MAPK8: variants seen among roughly 807,000 people sequenced by gnomAD.
The protein encoded by MAPK8 is JUN N-terminal kinase.
Under a neutral mutation model 52.9 loss-of-function variants are expected in MAPK8, and 13 were observed. The observed-to-expected ratio is 0.25, with a 90% CI of 0.16 to 0.39. The LOEUF is 0.39. Ranked by LOEUF, MAPK8 falls within the 10% of genes least tolerant of loss-of-function variation. MAPK8 has a pLI of 1.00. For missense variants in MAPK8, 300 were observed against 519.2 expected (o/e 0.58, Z 4.10); for synonymous variants, 191 against 169.8 (o/e 1.12, Z -0.97).
intron 11 of MAPK8, among the ~76,000 whole-genome samples, chr10:48,432,909 C>G (rs989649562): frequency 2.0e-5 from 3 of 152,138 alleles, no homozygotes; most frequent in Admixed American, 6.5e-5. Context: ...ATATTCTGCT[C>G]TTGATTTTGT....
intron 1 of MAPK8, among the ~76,000 whole-genome samples, chr10:48,378,737 TTATATA>T (rs906388649): frequency 6.6e-6 from 1 of 151,512 alleles, no homozygotes; most frequent in Non-Finnish European, 1.5e-5. Context: ...AAATACATAA[TTATATA>T]TATATAAAAT....
chr10:48,414,475 C>A (rs1202941633), intron 5 of MAPK8, among the ~76,000 whole-genome samples: 1 of 124,906 alleles, frequency 8.0e-6, no homozygotes, highest in African/African-American at 3.1e-5. Context: ...TCCTGAGAGA[C>A]AGAATCTTCC....
At chr10:48,425,702 C>A in intron 7 of MAPK8, 186 bp from the exon 8 acceptor site, 1 of 441,540 alleles carries the variant, frequency 2.3e-6, no homozygotes, top group Non-Finnish European at 4.0e-6. Flanking sequence ...GTTAATAAAG[C>A]TTATTTATTG....
chr10:48,431,051 G>T, intron 10 of MAPK8, 142 bp from the exon 11 acceptor site: 1 of 661,204 alleles, frequency 1.5e-6, no homozygotes. Flanking sequence ...TTGAATCTTA[G>T]GCCGACATTT....
intron 1 of MAPK8, among the ~76,000 whole-genome samples, chr10:48,350,768 G>A (rs538455825): frequency 3.9e-5 from 6 of 152,180 alleles, no homozygotes; most frequent in Non-Finnish European, 5.9e-5. Context: ...TCTGGCCAGG[G>A]CAATCAGGCA....
In MAPK8 at chr10:48,340,824, C is replaced by G. The variant is rs182371033; in HGVS notation, c.-50+34003C>G. On this transcript the variant is annotated intron_variant, in intron 1 of 11. Coordinates refer to ENST00000374189, the MANE Select transcript of MAPK8 (RefSeq NM_001323329.2). ...GGTGCTCTCTATTCTCTGAATCTCT[C>G]TCTTCTCTCTATACTGCCCTACAAA... 2.6e-5 allele frequency among the ~76,000 whole-genome samples: 4 copies of G among 152,334 alleles called. No individual in the cohort carries two copies. The East Asian group carries it at 7.7e-4, about 29-fold the overall frequency.
intron 1 of MAPK8, among the ~76,000 whole-genome samples, chr10:48,376,957 G>A (rs2040702530): frequency 6.6e-6 from 1 of 152,128 alleles, no homozygotes; most frequent in African/African-American, 2.4e-5. Context: ...GCAATGACTG[G>A]GAACCAACCC....
intron 1 of MAPK8, among the ~76,000 whole-genome samples, chr10:48,311,849 C>G (rs1050639260): frequency 1.3e-5 from 2 of 152,188 alleles, no homozygotes; most frequent in Non-Finnish European, 2.9e-5. Flanking sequence ...TCAAGAGCAT[C>G]TACTATGAGA....
chr10:48,389,030 AT>A (rs1240018627), intron 1 of MAPK8, among the ~76,000 whole-genome samples: 1 of 152,082 alleles, frequency 6.6e-6, no homozygotes, highest in South Asian at 2.1e-4. Context: ...TATTTCACAT[AT>A]TGTTTCTACT....
intron 2 of MAPK8, among the ~76,000 whole-genome samples, chr10:48,403,320 T>C (rs1486753429): frequency 6.6e-6 from 1 of 152,052 alleles, no homozygotes; most frequent in East Asian, 1.9e-4. Flanking sequence ...TAGCTGGGCA[T>C]GGTGGCACAT....
intron 11 of MAPK8, among the ~76,000 whole-genome samples, chr10:48,434,162 A>G (rs2044629055): frequency 6.6e-6 from 1 of 152,160 alleles, no homozygotes; most frequent in South Asian, 2.1e-4. Context: ...CTTTCGGCAA[A>G]GGAAACTGTT....
intron 3 of MAPK8, among the ~76,000 whole-genome samples, chr10:48,408,348 A>G (rs1167256275): frequency 6.6e-6 from 1 of 152,250 alleles, no homozygotes; most frequent in Admixed American, 6.5e-5. Context: ...AGTAGAGAGA[A>G]TAGTCAACTC....
intron 5 of MAPK8, among the ~76,000 whole-genome samples, chr10:48,416,454 C>T (rs896907062): frequency 6.6e-6 from 1 of 152,198 alleles, no homozygotes; most frequent in Non-Finnish European, 1.5e-5. Flanking sequence ...GTTCTTCTGG[C>T]TGGCAAACAT....
At chr10:48,327,407 C>A (rs189690793) in intron 1 of MAPK8, among the ~76,000 whole-genome samples, 46 of 152,294 alleles carry the variant, frequency 3.0e-4, no homozygotes, top group Admixed American at 3.0e-3. Context: ...GATTTTAGAA[C>A]CAGCCTTGCA....
Position 48,403,722 on chromosome 10 carries a change from ATTTTGTT to A in MAPK8, c.123-1111_123-1105del, listed in dbSNP as rs1426912272. 1.7e-3 allele frequency among the ~76,000 whole-genome samples: 259 copies of A among 151,484 alleles called. 1 individual carries two copies. The highest frequency in any genetic ancestry group is 5.8e-3 in the African/African-American group (240 of 41,196). On this transcript the variant is annotated intron_variant, in intron 2 of 11. Coordinates refer to ENST00000374189, the MANE Select transcript of MAPK8 (RefSeq NM_001323329.2). ...TTCTGAAAGCCAGCTCTCTGTTCAG[ATTTTGTT>A]TTTTGTTTTTTGTTTTTTTGTTTTT...
At chr10:48,421,087 T>C (rs1335951749) in intron 6 of MAPK8, among the ~76,000 whole-genome samples, 3 of 152,186 alleles carry the variant, frequency 2.0e-5, no homozygotes, top group Non-Finnish European at 4.4e-5. Flanking sequence ...AAAAATGTGG[T>C]GACTTCATCC....
intron 1 of MAPK8, among the ~76,000 whole-genome samples, chr10:48,363,992 A>G (rs1042462517): frequency 2.4e-4 from 36 of 152,188 alleles, no homozygotes; most frequent in African/African-American, 7.5e-4. Flanking sequence ...AATTGCCAAT[A>G]ATCTATTTAG....
chr10:48,369,841 C>G (rs917441197), intron 1 of MAPK8, among the ~76,000 whole-genome samples: 1 of 152,070 alleles, frequency 6.6e-6, no homozygotes, highest in Non-Finnish European at 1.5e-5. Flanking sequence ...AGGAAAAAGT[C>G]AAGTTCTGTT....
chr10:48,390,887 A>AT (rs2132846532), intron 1 of MAPK8, among the ~76,000 whole-genome samples: 1 of 152,344 alleles, frequency 6.6e-6, no homozygotes, highest in South Asian at 2.1e-4. Flanking sequence ...AAATCTGAAA[A>AT]TGTAGGAGAT....
Sources: allele counts gnomAD v4.1 joint callset (sites outside exome capture counted in the v4.1 genomes callset), GRCh38; gene constraint gnomAD v4.1.1; transcripts MANE v1.5; gene names NCBI Gene and HGNC (gene_info 2026-07-23, HGNC 2026-07-21).